Variants in FNTB observed in about 807,000 individuals in gnomAD.
FNTB encodes protein farnesyltransferase subunit beta.
FNTB carries 27 observed loss-of-function variants against 59.4 expected under a neutral mutation model. The ratio of observed to expected loss-of-function variants is 0.45; its 90% CI spans 0.34 to 0.63. The LOEUF (loss-of-function observed/expected upper bound fraction) is 0.63, where lower values mean the gene tolerates loss of function less well. Ranked by LOEUF, FNTB falls within the 20% of genes least tolerant of loss-of-function variation. FNTB has a pLI of 0.02. For synonymous variants in FNTB, 230 were observed against 220.7 expected (o/e 1.04, Z -0.37); for missense variants, 449 against 559.6 (o/e 0.80, Z 1.99).
At chr14:65,024,896 G>A (rs934791747) in intron 4 of FNTB, among the ~76,000 whole-genome samples, 4 of 152,130 alleles carry the variant, frequency 2.6e-5, no homozygotes, top group African/African-American at 9.7e-5. Flanking sequence ...TGGAATTACA[G>A]GCACAAGCCA....
rs755504890 is a variant in FNTB at position 64,991,158 on chromosome 14, C to T, written c.144+4061C>T. The stretch of plus-strand genomic sequence containing the variant: ...GAGTTTGTCTTTGAACAGAGGCAAA[C>T]GCGTCCTCCACTTTAAATGGCATGG... On this transcript the variant is annotated intron_variant, in intron 1 of 11. Transcript: ENST00000246166. This position sits in a 1 kb window ranked among gnomAD's most constrained non-coding sequence, Gnocchi z 4.4. Among the ~76,000 whole-genome samples the T allele has an allele frequency of 4.6e-5, 7 of 152,090 alleles. No homozygotes were observed. Among genetic ancestry groups the T allele is most frequent in the Non-Finnish European group, 7.4e-5 (5 of 67,996 alleles).
chr14:65,040,913 C>T lies in FNTB; in HGVS notation c.816C>T (p.Ser272=). Residue 272 remains serine (S), a synonymous_variant, in exon 8 of 12, where the codon AGC becomes AGT. Coordinates refer to ENST00000246166, the MANE Select transcript of FNTB (RefSeq NM_002028.4). Reference sequence around the variant, plus strand: ...GGGAACGTTCCTTGAACTTGAAGAGCTTATTAGTAAGTATCTTTTGAGCCA... The same window carrying T: ...GGGAACGTTCCTTGAACTTGAAGAGTTTATTAGTAAGTATCTTTTGAGCCA... The part of the protein sequence containing the change: ...LKRERSLNLK[S]LLQWVTSRQM... 2 of 1,613,694 alleles carry T rather than the reference C, an allele frequency of 1.2e-6. No individual in the cohort carries two copies. The highest frequency in any genetic ancestry group is 1.7e-6 in the Non-Finnish European group (2 of 1,179,736).
At chr14:65,006,197 T>A (rs1220405625) in intron 2 of FNTB, 11 of 1,613,618 alleles carry the variant, frequency 6.8e-6, no homozygotes, top group Non-Finnish European at 9.3e-6. Flanking sequence ...TAAGAAACTT[T>A]TTCTGATTAG....
chr14:65,053,437 A>C, intron 10 of FNTB, 88 bp downstream of exon 10: 2,561 of 1,078,760 alleles, frequency 2.4e-3, no homozygotes, highest in Non-Finnish European at 2.8e-3. Context: ...GCCAGATCTC[A>C]AGAGCAGAGG....
chr14:65,016,369 C>T (rs1209257910), intron 4 of FNTB: 2 of 152,234 alleles, frequency 1.3e-5, no homozygotes, highest in Admixed American at 6.5e-5. Context: ...GATCATGACT[C>T]CAGTCCTAGG....
intron 3 of FNTB, among the ~76,000 whole-genome samples, chr14:65,013,722 A>G (rs979857839): frequency 2.0e-5 from 3 of 151,958 alleles, no homozygotes; most frequent in South Asian, 2.1e-4. Flanking sequence ...TAATTTTTGT[A>G]TTTTTAGTAG....
Position 65,012,398 on chromosome 14 carries a change from A to G in FNTB, c.282+9A>G, listed in dbSNP as rs902854653. 7 of 1,614,084 alleles carry G rather than the reference A, an allele frequency of 4.3e-6. No individual in the cohort carries two copies. Among genetic ancestry groups the G allele is most frequent in the Non-Finnish European group, 5.9e-6 (7 of 1,179,924 alleles). The stretch of plus-strand genomic sequence containing the variant: ...TGACAGATGCCTATGAGGTAAACAC[A>G]TTACCCAGGAACTCTTGCTGTCAAA... On this transcript the variant is annotated intron_variant, in intron 3 of 11. Transcript: ENST00000246166. This position sits in a 1 kb window ranked among gnomAD's most constrained non-coding sequence, Gnocchi z 5.0.
chr14:65,052,660 T>TC (rs1386333736), intron 9 of FNTB, among the ~76,000 whole-genome samples: 8 of 152,192 alleles, frequency 5.3e-5, no homozygotes, highest in Non-Finnish European at 1.2e-4. Context: ...TGCTAGGGTA[T>TC]CATATGATGC....
At chr14:65,017,525 T>C (rs1019958817) in intron 4 of FNTB, among the ~76,000 whole-genome samples, 1 of 152,118 alleles carries the variant, frequency 6.6e-6, no homozygotes, top group African/African-American at 2.4e-5. Context: ...TGTTTTATAG[T>C]GAAGGCTTTT....
intron 7 of FNTB, among the ~76,000 whole-genome samples, chr14:65,036,834 C>T (rs1460019761): frequency 2.6e-5 from 4 of 151,916 alleles, no homozygotes; most frequent in Non-Finnish European, 4.4e-5. Flanking sequence ...GACAGGGTCT[C>T]GTCATACTGG....
intron 1 of FNTB, among the ~76,000 whole-genome samples, chr14:64,995,744 C>T (rs1888369045): frequency 6.7e-6 from 1 of 149,450 alleles, no homozygotes; most frequent in Admixed American, 6.7e-5. Flanking sequence ...TACATGTGTG[C>T]ATATAAGTGT....
chr14:65,046,293 A>G (rs1332092672), intron 9 of FNTB, among the ~76,000 whole-genome samples: 1 of 152,182 alleles, frequency 6.6e-6, no homozygotes, highest in Non-Finnish European at 1.5e-5. Flanking sequence ...TCTAAGATAG[A>G]AAAAAACTTG....
rs1566869988 is a variant in FNTB at position 65,014,089 on chromosome 14, G to T, written c.283-1536G>T. On this transcript the variant is annotated intron_variant, in intron 3 of 11. Transcript: ENST00000246166. The surrounding 1 kb of genome is among the most constrained non-coding windows in gnomAD (Gnocchi z 5.1). Reference sequence around the variant, plus strand: ...TATCAGCATAGTTTTGAAGAGAGCAGCTTGGGCCAACGGAAAGAACACTGG... The same window carrying T: ...TATCAGCATAGTTTTGAAGAGAGCATCTTGGGCCAACGGAAAGAACACTGG... 6.6e-6 allele frequency among the ~76,000 whole-genome samples: 1 copy of T among 152,290 alleles called. No individual in the cohort carries two copies. Among genetic ancestry groups the T allele is most frequent in the East Asian group, 1.9e-4 (1 of 5,186 alleles).
intron 1 of FNTB, chr14:65,003,568 A>G (rs568783780): frequency 6.6e-6 from 1 of 152,344 alleles, no homozygotes; most frequent in African/African-American, 2.4e-5. Flanking sequence ...GAAAATGAGT[A>G]ATTCTGAAAG....
chr14:65,048,405 T>C (rs1027237808), intron 9 of FNTB, among the ~76,000 whole-genome samples: 3 of 152,200 alleles, frequency 2.0e-5, no homozygotes, highest in Admixed American at 6.5e-5. Flanking sequence ...ATTGATCATA[T>C]TGCTAACTAA....
intron 8 of FNTB, among the ~76,000 whole-genome samples, chr14:65,043,493 A>G (rs954489667): frequency 1.3e-5 from 2 of 152,194 alleles, no homozygotes; most frequent in Non-Finnish European, 2.9e-5. Context: ...CCAGGTGCCA[A>G]GTAAAAGTCA....
At chr14:65,037,726 CTTATTTATTTATTTATTATTTATTTAT>C (rs1367294839) in intron 7 of FNTB, among the ~76,000 whole-genome samples, 7 of 117,544 alleles carry the variant, frequency 6.0e-5, no homozygotes, top group East Asian at 2.5e-4. Context: ...TGCCCAGCCT[CTTATTTATTTATTTATTATTTATTTAT>C]TTATTTATTT....
Position 65,032,387 on chromosome 14 carries a change from G to A in FNTB, c.606-223G>A, listed in dbSNP as rs774043759. 1 of 448,466 alleles carries A rather than the reference G, an allele frequency of 2.2e-6. No individual in the cohort carries two copies. The highest frequency in any genetic ancestry group is 4.2e-5 in the Admixed American group (1 of 24,028). 27.8% of individuals were successfully genotyped at this position (448,466 alleles called of 1,614,324 possible). Reference sequence around the variant, plus strand: ...GGACCATGTGGAGGTAGGGAGAATAGAATGTCATGTTCTTTCACTGAAGCC... The same window carrying A: ...GGACCATGTGGAGGTAGGGAGAATAAAATGTCATGTTCTTTCACTGAAGCC... On this transcript the variant is annotated intron_variant, in intron 6 of 11. Transcript: ENST00000246166. This position sits in a 1 kb window ranked among gnomAD's most constrained non-coding sequence, Gnocchi z 5.0.
chr14:65,024,163 T>C (rs2061938346), intron 4 of FNTB, among the ~76,000 whole-genome samples: 1 of 151,588 alleles, frequency 6.6e-6, no homozygotes, highest in South Asian at 2.1e-4. Context: ...AGAGCTGCAG[T>C]TTAGCAAGAT....
Sources: gnomAD v4.1 joint callset for allele counts (sites outside exome capture counted in the v4.1 genomes callset) on GRCh38, gnomAD v4.1.1 for gene constraint, Gnocchi (gnomAD v3.1) non-coding constraint, MANE v1.5 for transcripts, NCBI Gene and HGNC (gene_info 2026-07-23, HGNC 2026-07-21) for gene names.